SYNDIG1: variants seen among roughly 807,000 people sequenced by gnomAD.
SYNDIG1 encodes the protein synapse differentiation inducing 1, also known as synapse differentiation-inducing gene protein 1.
SYNDIG1 carries 9 observed loss-of-function variants against 19.4 expected under a neutral mutation model. The observed-to-expected ratio is 0.46, with a 90% CI of 0.28 to 0.81. The LOEUF (loss-of-function observed/expected upper bound fraction) is 0.81. SYNDIG1 is among the 30% of genes least tolerant of loss of function. The pLI is 0.12. For synonymous variants in SYNDIG1, 141 were observed against 145.9 expected, an observed-to-expected ratio of 0.97 and a Z score of 0.24; for missense variants, 311 against 343.3, an observed-to-expected ratio of 0.91 and a Z score of 0.74.
intron 3 of SYNDIG1, among the ~76,000 whole-genome samples, chr20:24,594,396 G>A (rs931276279): frequency 1.3e-5 from 2 of 152,072 alleles, no homozygotes; most frequent in African/African-American, 2.4e-5. Context: ...GTCTGTTTTT[G>A]TACTAATACC....
intron 1 of SYNDIG1, among the ~76,000 whole-genome samples, chr20:24,524,413 A>T (rs1201688717): frequency 6.6e-6 from 1 of 152,196 alleles, no homozygotes; most frequent in Non-Finnish European, 1.5e-5. Context: ...TGGGAGGCCG[A>T]GGCGGGTGGA....
At chr20:24,598,011 T>A (rs2058622684) in intron 3 of SYNDIG1, among the ~76,000 whole-genome samples, 1 of 152,228 alleles carries the variant, frequency 6.6e-6, no homozygotes, top group South Asian at 2.1e-4. Context: ...GAGTGCAACC[T>A]GTGTTAGCCA....
chr20:24,576,807 A>G (rs187785193), intron 2 of SYNDIG1, among the ~76,000 whole-genome samples: 1 of 151,738 alleles, frequency 6.6e-6, no homozygotes, highest in African/African-American at 2.4e-5. Context: ...TCAGCAATCC[A>G]GCATGGACGT....
intron 3 of SYNDIG1, among the ~76,000 whole-genome samples, chr20:24,610,398 G>A (rs142855893): frequency 5.9e-4 from 90 of 152,304 alleles, no homozygotes; most frequent in African/African-American, 2.0e-3. Context: ...CAACGATTCC[G>A]GATCACCCGC....
chr20:24,534,529 G>T (rs2057324689), intron 1 of SYNDIG1, among the ~76,000 whole-genome samples: 1 of 152,218 alleles, frequency 6.6e-6, no homozygotes, highest in African/African-American at 2.4e-5. Flanking sequence ...GTGCCCCTCG[G>T]TCTGGCCCTG....
At position 24,481,136 on chromosome 20, in the gene SYNDIG1, T is replaced by TA. The variant is rs920817638; in HGVS notation, c.-79+11392dup. ...TGTGTGTGTGTGTTTTTTGCCACAA[T>TA]AAAAAAAAACTACATTAATTGGAAA... On this transcript the variant is annotated intron_variant, in intron 1 of 3. Transcript: ENST00000376862. Among the ~76,000 whole-genome samples, 54 of 151,572 alleles carry TA rather than the reference T, an allele frequency of 3.6e-4. No individual in the cohort carries two copies. The South Asian group carries it at 9.4e-3, about 26-fold the overall frequency.
At chr20:24,563,838 AGTG>A (rs2057990939) in intron 2 of SYNDIG1, among the ~76,000 whole-genome samples, 1 of 152,192 alleles carries the variant, frequency 6.6e-6, no homozygotes, top group African/African-American at 2.4e-5. Flanking sequence ...TTTGGACTCA[AGTG>A]ATCTGTCTGT....
intron 3 of SYNDIG1, among the ~76,000 whole-genome samples, chr20:24,606,995 G>C (rs2058765648): frequency 6.6e-6 from 1 of 152,206 alleles, no homozygotes; most frequent in Admixed American, 6.5e-5. Flanking sequence ...TGTGTTATAT[G>C]AACGGACCTC....
At chr20:24,620,555 G>A (rs535425844) in intron 3 of SYNDIG1, among the ~76,000 whole-genome samples, 8 of 152,328 alleles carry the variant, frequency 5.3e-5, no homozygotes, top group Non-Finnish European at 1.5e-5. Flanking sequence ...CTACATCAAG[G>A]TGGAGCACAA....
At chr20:24,501,089 C>A (rs1307846999) in intron 1 of SYNDIG1, among the ~76,000 whole-genome samples, 1 of 152,184 alleles carries the variant, frequency 6.6e-6, no homozygotes. Flanking sequence ...GAAAAGAAAT[C>A]TACCTATCTA....
intron 1 of SYNDIG1, among the ~76,000 whole-genome samples, chr20:24,530,908 A>G (rs1165172909): frequency 1.3e-5 from 2 of 151,398 alleles, no homozygotes; most frequent in Non-Finnish European, 2.9e-5. Flanking sequence ...TCCTGAGTTC[A>G]AGCGATTCTC....
intron 3 of SYNDIG1, among the ~76,000 whole-genome samples, chr20:24,621,931 T>C (rs2059045334): frequency 6.6e-6 from 1 of 152,230 alleles, no homozygotes; most frequent in Non-Finnish European, 1.5e-5. Flanking sequence ...TTAACATCAA[T>C]TCTCACTTGA....
intron 3 of SYNDIG1, among the ~76,000 whole-genome samples, chr20:24,586,350 C>G (rs981025191): frequency 2.0e-5 from 3 of 152,192 alleles, no homozygotes; most frequent in Non-Finnish European, 4.4e-5. Context: ...CCACAGAACC[C>G]CTTCTCCATC....
chr20:24,571,860 C>A (rs756447359), intron 2 of SYNDIG1, among the ~76,000 whole-genome samples: 1 of 152,158 alleles, frequency 6.6e-6, no homozygotes, highest in African/African-American at 2.4e-5. Flanking sequence ...GATCTTAAAG[C>A]CTGAAACTTA....
intron 3 of SYNDIG1, among the ~76,000 whole-genome samples, chr20:24,633,854 G>C (rs1458539576): frequency 2.6e-5 from 4 of 152,146 alleles, no homozygotes; most frequent in Non-Finnish European, 4.4e-5. Context: ...CGTGGTTCAG[G>C]GTTGTTGGGG....
At chr20:24,569,703 A>G (rs1353943713) in intron 2 of SYNDIG1, among the ~76,000 whole-genome samples, 4 of 152,218 alleles carry the variant, frequency 2.6e-5, no homozygotes, top group Non-Finnish European at 5.9e-5. Flanking sequence ...AAAAAAGTGC[A>G]AACAAATACT....
At chr20:24,654,819 TA>T (rs1401998337) in intron 3 of SYNDIG1, among the ~76,000 whole-genome samples, 4 of 152,024 alleles carry the variant, frequency 2.6e-5, no homozygotes, top group South Asian at 4.2e-4. Context: ...TGAAGGGGTA[TA>T]AAGATGATGC....
At chr20:24,650,293 G>T (rs2059457168) in intron 3 of SYNDIG1, among the ~76,000 whole-genome samples, 1 of 152,260 alleles carries the variant, frequency 6.6e-6, no homozygotes, top group African/African-American at 2.4e-5. Flanking sequence ...TGCTGTGTCT[G>T]CCTTCCAGGA....
chr20:24,470,483 G>A (rs1002635992), intron 1 of SYNDIG1, among the ~76,000 whole-genome samples: 3 of 152,226 alleles, frequency 2.0e-5, no homozygotes, highest in Admixed American at 2.0e-4. Context: ...CACAGCCCTG[G>A]CGCCGAGATG....
Sources: gnomAD v4.1 joint callset for allele counts (sites outside exome capture counted in the v4.1 genomes callset) on GRCh38, gnomAD v4.1.1 for gene constraint, MANE v1.5 for transcripts, NCBI Gene and HGNC (gene_info 2026-07-23, HGNC 2026-07-21) for gene names.